The following NSUN3 variants were observed in gnomAD, a reference collection of about 807,000 sequenced individuals.
NSUN3 encodes tRNA (cytosine(34)-C(5))-methyltransferase, mitochondrial.
NSUN3 carries 24 observed loss-of-function variants against 36.8 expected under a neutral mutation model. That is an observed-to-expected ratio of 0.65 (90% confidence interval 0.47 to 0.92). The LOEUF is 0.92. Ranked by LOEUF, NSUN3 falls within the 40% of genes least tolerant of loss-of-function variation. The pLI is 0.00. For synonymous variants in NSUN3, 146 were observed against 145.2 expected (o/e 1.01, Z -0.04); for missense variants, 381 against 392.8 (o/e 0.97, Z 0.25).
At chr3:94,091,587 G>T (rs2107252874) in intron 3 of NSUN3, among the ~76,000 whole-genome samples, 1 of 152,286 alleles carries the variant, frequency 6.6e-6, no homozygotes, top group African/African-American at 2.4e-5. Flanking sequence ...TAAAGCAAGA[G>T]TGTTACGAGA....
At chr3:94,120,793 A>C (rs1451081428) in intron 5 of NSUN3, among the ~76,000 whole-genome samples, 1 of 152,214 alleles carries the variant, frequency 6.6e-6, no homozygotes, top group Non-Finnish European at 1.5e-5. Context: ...TATGACCAGA[A>C]GTGGAATTGC....
chr3:94,103,283 G>A (rs564307880), intron 5 of NSUN3, among the ~76,000 whole-genome samples: 117 of 152,164 alleles, frequency 7.7e-4, no homozygotes, highest in African/African-American at 2.7e-3. Flanking sequence ...GCCAGTTATC[G>A]TAAAATGTGG....
At chr3:94,111,544 A>G (rs2077417661) in intron 5 of NSUN3, among the ~76,000 whole-genome samples, 1 of 152,120 alleles carries the variant, frequency 6.6e-6, no homozygotes, top group Non-Finnish European at 1.5e-5. Flanking sequence ...CTTTCTTTAT[A>G]TCCTTATTCT....
At position 94,130,494 on chromosome 3, in the gene NSUN3, A is replaced by T. The variant is rs576325580; in HGVS notation, c.*4004A>T. Among the ~76,000 whole-genome samples, 2 of 152,246 alleles carry T rather than the reference A, an allele frequency of 1.3e-5. No homozygotes were observed. Among genetic ancestry groups the T allele is most frequent in the African/African-American group, 2.4e-5 (1 of 41,470 alleles). ...CATTTTTGGAAATTGTATGCTCTCT[A>T]GCAACTTTGCGTGAATTTTTATACA... On this transcript the variant is annotated 3_prime_UTR_variant, in exon 6 of 6. Transcript: ENST00000314622.
intron 5 of NSUN3, among the ~76,000 whole-genome samples, chr3:94,116,380 G>A (rs2077440240): frequency 6.6e-6 from 1 of 152,100 alleles, no homozygotes; most frequent in African/African-American, 2.4e-5. Flanking sequence ...TGATTTTACA[G>A]AATTTCTTTA....
At chr3:94,103,814 C>T (rs934503263) in intron 5 of NSUN3, among the ~76,000 whole-genome samples, 3 of 152,122 alleles carry the variant, frequency 2.0e-5, no homozygotes, top group Non-Finnish European at 4.4e-5. Flanking sequence ...ATTAAAAGAT[C>T]AACTTTTTAA....
chr3:94,087,171 T>C (rs1188910680), intron 3 of NSUN3, among the ~76,000 whole-genome samples: 1 of 152,220 alleles, frequency 6.6e-6, no homozygotes, highest in East Asian at 1.9e-4. Context: ...CTAATGATAA[T>C]GATTTACTAA....
chr3:94,088,997 G>A (rs780663011), intron 3 of NSUN3, among the ~76,000 whole-genome samples: 30 of 152,118 alleles, frequency 2.0e-4, no homozygotes, highest in Admixed American at 3.3e-4. Context: ...TGTGTCTGCA[G>A]CAAATAGCAC....
intron 2 of NSUN3, 57 bp from the exon 3 acceptor site, chr3:94,084,050 A>G (rs2077281884): frequency 2.4e-6 from 3 of 1,248,716 alleles, no homozygotes; most frequent in East Asian, 5.0e-5. Context: ...GTAATATAAA[A>G]TTGTATTGGT....
intron 2 of NSUN3, among the ~76,000 whole-genome samples, chr3:94,064,863 A>C (rs2077197294): frequency 6.6e-6 from 1 of 152,332 alleles, no homozygotes; most frequent in African/African-American, 2.4e-5. Context: ...AAAAACATAA[A>C]ATTTGGAATA....
intron 2 of NSUN3, among the ~76,000 whole-genome samples, chr3:94,082,558 C>A (rs976234744): frequency 6.6e-6 from 1 of 152,138 alleles, no homozygotes; most frequent in East Asian, 1.9e-4. Flanking sequence ...GGCACGCTTC[C>A]AGTCGCAGGT....
At chr3:94,112,571 C>T (rs552200791) in intron 5 of NSUN3, among the ~76,000 whole-genome samples, 21 of 152,234 alleles carry the variant, frequency 1.4e-4, no homozygotes, top group Non-Finnish European at 2.4e-4. Flanking sequence ...TAATCTTCAA[C>T]CTCACAATCC....
intron 5 of NSUN3, among the ~76,000 whole-genome samples, chr3:94,119,014 T>C (rs1375509971): frequency 1.3e-5 from 2 of 152,162 alleles, no homozygotes; most frequent in Non-Finnish European, 2.9e-5. Flanking sequence ...TAAAAATACA[T>C]ATACAGTCCT....
At chr3:94,119,661 T>C (rs1377731750) in intron 5 of NSUN3, among the ~76,000 whole-genome samples, 4 of 152,232 alleles carry the variant, frequency 2.6e-5, no homozygotes, top group African/African-American at 9.6e-5. Context: ...AGAAAAATCT[T>C]AGCTATAAAC....
At chr3:94,070,347 A>C (rs1168362560) in intron 2 of NSUN3, among the ~76,000 whole-genome samples, 2 of 152,018 alleles carry the variant, frequency 1.3e-5, no homozygotes, top group Admixed American at 6.6e-5. Flanking sequence ...TGTAGGCGCA[A>C]CTACTTGGGA....
At chr3:94,117,914 G>T (rs1168882854) in intron 5 of NSUN3, among the ~76,000 whole-genome samples, 1 of 152,110 alleles carries the variant, frequency 6.6e-6, no homozygotes, top group Non-Finnish European at 1.5e-5. Context: ...ATGATAGAGG[G>T]ATTATATTAT....
chr3:94,116,998 T>C (rs1216383871), intron 5 of NSUN3, among the ~76,000 whole-genome samples: 1 of 143,774 alleles, frequency 7.0e-6, no homozygotes, highest in Non-Finnish European at 1.5e-5. Context: ...TTTTTTTTTT[T>C]TTTTTTTTTT....
intron 5 of NSUN3, 24 bp from the exon 6 acceptor site, chr3:94,126,187 T>C (rs1285655409): frequency 4.2e-5 from 66 of 1,586,700 alleles, no homozygotes; most frequent in Non-Finnish European, 5.6e-5. Flanking sequence ...AACTAATCTT[T>C]TGCATTTTTC....
intron 5 of NSUN3, among the ~76,000 whole-genome samples, chr3:94,103,444 A>G (rs892779886): frequency 1.3e-5 from 2 of 151,646 alleles, no homozygotes; most frequent in Non-Finnish European, 2.9e-5. Context: ...TTATTATACA[A>G]TAGTATAATA....
Sources: gnomAD v4.1 joint callset for allele counts (sites outside exome capture counted in the v4.1 genomes callset) on GRCh38, gnomAD v4.1.1 for gene constraint, MANE v1.5 for transcripts, NCBI Gene and HGNC (gene_info 2026-07-23, HGNC 2026-07-21) for gene names.